NEK7: variants seen among roughly 807,000 people sequenced by gnomAD.
The protein encoded by NEK7 is NIMA related kinase 7.
NEK7 carries 18 observed loss-of-function variants against 44.6 expected under a neutral mutation model. That is an observed-to-expected ratio of 0.40 (90% confidence interval 0.28 to 0.60). The LOEUF (loss-of-function observed/expected upper bound fraction) is 0.60, where lower values mean the gene tolerates loss of function less well. Ranked by LOEUF, NEK7 falls within the 20% of genes least tolerant of loss-of-function variation. NEK7 has a pLI of 0.38. For missense variants in NEK7, 256 were observed against 366.5 expected, an observed-to-expected ratio of 0.70 and a Z score of 2.46; for synonymous variants, 130 against 121.1, an observed-to-expected ratio of 1.07 and a Z score of -0.48.
At chr1:198,228,839 C>G (rs1666304042) in intron 1 of NEK7, among the ~76,000 whole-genome samples, 1 of 152,144 alleles carries the variant, frequency 6.6e-6, no homozygotes, top group Non-Finnish European at 1.5e-5. Flanking sequence ...TTCCTCTTTT[C>G]CTAATTAAAT....
At chr1:198,197,028 G>A (rs1277377094) in intron 1 of NEK7, among the ~76,000 whole-genome samples, 4 of 152,156 alleles carry the variant, frequency 2.6e-5, no homozygotes, top group Non-Finnish European at 5.9e-5. Flanking sequence ...ACAAGGCCTG[G>A]CAGATGTATT....
intron 1 of NEK7, among the ~76,000 whole-genome samples, chr1:198,219,561 G>T (rs1363969047): frequency 6.6e-6 from 1 of 151,770 alleles, no homozygotes; most frequent in African/African-American, 2.4e-5. Context: ...GAATGGGGAA[G>T]GGTGGGAGGG....
intron 1 of NEK7, among the ~76,000 whole-genome samples, chr1:198,157,724 T>C (rs1234697825): frequency 2.0e-5 from 3 of 151,964 alleles, no homozygotes; most frequent in Non-Finnish European, 4.4e-5. Flanking sequence ...CTTAGGAAAG[T>C]GAAGTGCGCT....
intron 7 of NEK7, among the ~76,000 whole-genome samples, chr1:198,288,269 G>A (rs1048211440): frequency 1.3e-5 from 2 of 152,096 alleles, no homozygotes; most frequent in African/African-American, 2.4e-5. Context: ...AATTGCTCTG[G>A]TAAGGAGCTA....
At chr1:198,245,830 C>A (rs1353631830) in intron 2 of NEK7, among the ~76,000 whole-genome samples, 1 of 151,968 alleles carries the variant, frequency 6.6e-6, no homozygotes, top group African/African-American at 2.4e-5. Flanking sequence ...CTTCAAGAAA[C>A]TGAGACTCAG....
intron 5 of NEK7, among the ~76,000 whole-genome samples, chr1:198,264,682 T>A (rs1197312703): frequency 6.6e-6 from 1 of 152,010 alleles, no homozygotes; most frequent in Non-Finnish European, 1.5e-5. Context: ...ATAAAAGTTG[T>A]TTAACCTTCT....
chr1:198,225,592 G>C (rs922552985), intron 1 of NEK7, among the ~76,000 whole-genome samples: 3 of 151,922 alleles, frequency 2.0e-5, no homozygotes, highest in Admixed American at 6.6e-5. Flanking sequence ...ATATCAAATG[G>C]ATATCATAAT....
At chr1:198,311,841 A>T (rs945174415) in intron 9 of NEK7, among the ~76,000 whole-genome samples, 16 of 152,268 alleles carry the variant, frequency 1.1e-4, no homozygotes, top group African/African-American at 3.6e-4. Flanking sequence ...TCGGTTTGCC[A>T]GTATTTTATT....
intron 1 of NEK7, among the ~76,000 whole-genome samples, chr1:198,211,603 A>G (rs936733611): frequency 1.3e-5 from 2 of 152,230 alleles, no homozygotes; most frequent in Non-Finnish European, 2.9e-5. Flanking sequence ...ATAAGATTGA[A>G]GAAAGTATAA....
chr1:198,274,414 CTGCA>C (rs1407439541), intron 5 of NEK7, among the ~76,000 whole-genome samples: 1 of 151,582 alleles, frequency 6.6e-6, no homozygotes, highest in African/African-American at 2.4e-5. Context: ...AGTGCCAGAC[CTGCA>C]TAACACAGGT....
intron 2 of NEK7, among the ~76,000 whole-genome samples, chr1:198,246,039 G>T (rs187011001): frequency 2.0e-5 from 3 of 152,228 alleles, no homozygotes; most frequent in Admixed American, 1.3e-4. Flanking sequence ...GTGGGAACCC[G>T]TTTGATGATA....
intron 5 of NEK7, among the ~76,000 whole-genome samples, chr1:198,269,243 C>T (rs1653760616): frequency 6.6e-6 from 1 of 152,092 alleles, no homozygotes. Context: ...ACTTCTATTA[C>T]ACTTCTCTGT....
At chr1:198,220,096 G>C (rs1362159586) in intron 1 of NEK7, among the ~76,000 whole-genome samples, 1 of 151,940 alleles carries the variant, frequency 6.6e-6, no homozygotes, top group East Asian at 1.9e-4. Flanking sequence ...TTTGTAAGAA[G>C]TAGGTTCCCC....
Position 198,264,614 on chromosome 1 carries a change from G to C in NEK7, c.372+379G>C, listed in dbSNP as rs1281245501. 2.6e-5 allele frequency among the ~76,000 whole-genome samples: 4 copies of C among 151,944 alleles called. No individual in the cohort carries two copies. The East Asian group carries it at 7.8e-4, about 30-fold the overall frequency. On this transcript the variant is annotated intron_variant, in intron 5 of 9. Transcript: ENST00000367385. ...CTAGAGCAGCTTGACCTGTTTCTTGGGGGGGAATCCATCAAAGAAAGTGGG... is the reference window on the plus strand; with the variant it reads ...CTAGAGCAGCTTGACCTGTTTCTTGCGGGGGAATCCATCAAAGAAAGTGGG...
intron 1 of NEK7, among the ~76,000 whole-genome samples, chr1:198,169,834 G>T (rs1664383238): frequency 6.6e-6 from 1 of 152,152 alleles, no homozygotes; most frequent in Admixed American, 6.5e-5. Context: ...TTCCTCTCTG[G>T]AGCATAAGCT....
chr1:198,235,937 T>G (rs1349340558), intron 2 of NEK7, among the ~76,000 whole-genome samples: 1 of 152,194 alleles, frequency 6.6e-6, no homozygotes, highest in Non-Finnish European at 1.5e-5. Flanking sequence ...AAATCTTATC[T>G]TGGAGTCTTG....
chr1:198,196,755 G>A (rs1665249788), intron 1 of NEK7, among the ~76,000 whole-genome samples: 1 of 152,162 alleles, frequency 6.6e-6, no homozygotes, highest in South Asian at 2.1e-4. Context: ...TTATGTCTTT[G>A]GCCAAGTCCA....
intron 5 of NEK7, among the ~76,000 whole-genome samples, chr1:198,271,918 T>TACACACAC (rs201751610): frequency 9.3e-5 from 13 of 139,174 alleles, no homozygotes; most frequent in African/African-American, 3.4e-4. Context: ...TATATATATA[T>TACACACAC]ATATATACAC....
At chr1:198,317,536 G>T (rs552249693) in intron 9 of NEK7, among the ~76,000 whole-genome samples, 1 of 152,250 alleles carries the variant, frequency 6.6e-6, no homozygotes, top group South Asian at 2.1e-4. Context: ...GAACTTAAGG[G>T]CCAGTCATTC....
Sources: gnomAD v4.1 joint callset for allele counts (sites outside exome capture counted in the v4.1 genomes callset) on GRCh38, gnomAD v4.1.1 for gene constraint, MANE v1.5 for transcripts, NCBI Gene and HGNC (gene_info 2026-07-23, HGNC 2026-07-21) for gene names.